ZNF561: variants seen among roughly 807,000 people sequenced by gnomAD.
ZNF561 encodes zinc finger protein 561.
Under a neutral mutation model 16.7 loss-of-function variants are expected in ZNF561, and 16 were observed. The ratio of observed to expected loss-of-function variants is 0.96; its 90% CI spans 0.65 to 1.45. The LOEUF (loss-of-function observed/expected upper bound fraction) is 1.45. Among genes scored for constraint, ZNF561 ranks in the 40% most tolerant of loss-of-function variants. ZNF561 has a pLI of 0.00. For synonymous variants in ZNF561, 190 were observed against 192.1 expected, an observed-to-expected ratio of 0.99 and a Z score of 0.09; for missense variants, 580 against 578.0, an observed-to-expected ratio of 1.00 and a Z score of -0.04.
At chr19:9,617,272 G>C (rs926995572) in intron 3 of ZNF561, 101 bp from the exon 4 acceptor site, 7 of 1,453,740 alleles carry the variant, frequency 4.8e-6, no homozygotes, top group African/African-American at 4.2e-5. Context: ...ACACGTGGTT[G>C]TCAGGTCTCC....
At chr19:9,611,678 C>T (rs2074461172) in intron 5 of ZNF561, among the ~76,000 whole-genome samples, 1 of 152,130 alleles carries the variant, frequency 6.6e-6, no homozygotes, top group Non-Finnish European at 1.5e-5. Flanking sequence ...CTCCTAAGCT[C>T]AGGTGATCTG....
At chr19:9,615,553 G>A (rs1483325629) in intron 4 of ZNF561, among the ~76,000 whole-genome samples, 2 of 151,684 alleles carry the variant, frequency 1.3e-5, no homozygotes, top group East Asian at 2.0e-4. Context: ...AACAGAGATT[G>A]CACCACCGCA....
intron 5 of ZNF561, 133 bp from the exon 6 acceptor site, chr19:9,611,469 AG>A: frequency 9.8e-7 from 1 of 1,019,824 alleles, no homozygotes; most frequent in Non-Finnish European, 1.3e-6. Flanking sequence ...TCTTTTTGAG[AG>A]AAAGTCTTGT....
chr19:9,617,754 G>C (rs2074583953), intron 3 of ZNF561: 1 of 460,372 alleles, frequency 2.2e-6, no homozygotes, highest in Non-Finnish European at 4.4e-6. Flanking sequence ...GCACACTGCA[G>C]ATACCTGATA....
rs754443570 is a variant in ZNF561, at chr19:9,611,348, G to A, written c.325-12C>T. On this transcript the variant is annotated splice_polypyrimidine_tract_variant and intron_variant, in intron 5 of 5. Coordinates refer to ENST00000302851, the MANE Select transcript of ZNF561 (RefSeq NM_152289.3). ...CTGTAGCCTCTTGTCTGTTGATGACGAGATAAAGGTTTTAAAACATTTTCA... is the reference window on the plus strand; with the variant it reads ...CTGTAGCCTCTTGTCTGTTGATGACAAGATAAAGGTTTTAAAACATTTTCA... 363 of 1,587,530 alleles carry A rather than the reference G, an allele frequency of 2.3e-4. No homozygotes were observed. The highest frequency in any genetic ancestry group is 2.9e-4 in the Non-Finnish European group (334 of 1,165,634).
At position 9,610,622 on chromosome 19, in the gene ZNF561, C is replaced by T. The variant is rs372166361; in HGVS notation, c.1039G>A (p.Ala347Thr). The change falls in exon 6 of 6, where the codon GCT becomes ACT. Residue 347 changes from alanine to threonine, a missense_variant. By Grantham distance (58) the Ala-to-Thr change is moderately conservative (BLOSUM62 0). Coordinates refer to ENST00000302851, the MANE Select transcript of ZNF561 (RefSeq NM_152289.3). The stretch of plus-strand genomic sequence containing the variant: ...TGTATAGAAAGGCCCGAGTACTGAG[C>T]AAAGGCTTGGCCACATTCCTTACAT... ...YECKECGQAF[A>T]QYSGLSIHIR... 6.1e-5 allele frequency: 99 copies of T among 1,613,836 alleles called. No homozygotes were observed. In the Middle Eastern group the frequency reaches 6.6e-4, roughly 11 times the overall value.
chr19:9,616,316 G>A (rs1002193948), intron 4 of ZNF561, among the ~76,000 whole-genome samples: 8 of 151,954 alleles, frequency 5.3e-5, no homozygotes, highest in Non-Finnish European at 1.0e-4. Flanking sequence ...AAGTATCACT[G>A]TGTCGCCCCG....
At position 9,610,685 on chromosome 19, in the gene ZNF561, C is replaced by T. The variant is rs1424888785; in HGVS notation, c.976G>A (p.Glu326Lys). ...KAFTRSTQLT[E>K]HVRTHTGIKP... ...ATTCCAGTGTGAGTTCTTACATGTT[C>T]AGTAAGTTGAGTTGATCTAGTGAAG... is the stretch of plus-strand genomic sequence containing the variant. The change falls in exon 6 of 6, where the codon GAA (glutamate) becomes AAA (lysine). Residue 326 changes from glutamate (E) to lysine (K), a missense_variant. Transcript: ENST00000302851. The T allele has an allele frequency of 6.2e-7, 1 of 1,614,044 alleles. No individual in the cohort carries two copies. The highest frequency in any genetic ancestry group is 2.2e-5 in the East Asian group (1 of 44,884).
Position 9,610,110 on chromosome 19 carries a change from C to T in ZNF561, c.*90G>A, listed in dbSNP as rs1200627367. On this transcript the variant is annotated 3_prime_UTR_variant, in exon 6 of 6. Transcript: ENST00000302851. ...CTCAGGATGGTATCTAAGGCCAATC[C>T]ATGAGTCATTACAACCTCCAAAAGG... 1.7e-6 allele frequency: 2 copies of T among 1,184,336 alleles called. No homozygotes were observed. Among genetic ancestry groups the T allele is most frequent in the East Asian group, 2.5e-5 (1 of 40,230 alleles). 73.4% of individuals were successfully genotyped at this position (1,184,336 alleles called of 1,614,324 possible).
At chr19:9,617,212 T>A in intron 3 of ZNF561, 41 bp from the exon 4 acceptor site, 5 of 1,597,330 alleles carry the variant, frequency 3.1e-6, no homozygotes, top group Non-Finnish European at 4.3e-6. Context: ...CAATGAACAC[T>A]TCCACCAATA....
In ZNF561 at chr19:9,619,564, T is replaced by C. The variant is rs999384803; in HGVS notation, c.-108A>G. The C allele has an allele frequency of 1.3e-5, 15 of 1,163,140 alleles. No homozygotes were observed. The highest frequency in any genetic ancestry group is 1.9e-5 in the Non-Finnish European group (15 of 791,500). 72.1% of individuals were successfully genotyped at this position (1,163,140 alleles called of 1,614,324 possible). A position where few individuals can be genotyped will look rare whatever the true frequency, so the allele number is the denominator to read the frequency against. ...TAGAGGCAATCTCCATTCCTCTTTG[T>C]ACAGGGTTATTTGCGGTCCTGTTCA... is the stretch of plus-strand genomic sequence containing the variant. On this transcript the variant is annotated 5_prime_UTR_variant, in exon 2 of 6. Transcript: ENST00000302851.
At chr19:9,619,209 A>G (rs1435691922) in intron 2 of ZNF561, 3 of 261,998 alleles carry the variant, frequency 1.1e-5, no homozygotes, top group Non-Finnish European at 2.1e-5. Flanking sequence ...GTGAGCTAAG[A>G]TTGCACCACT....
At chr19:9,619,754 A>G (rs995946331) in intron 1 of ZNF561, among the ~76,000 whole-genome samples, 172 bp from the exon 2 acceptor site, 2 of 152,296 alleles carry the variant, frequency 1.3e-5, no homozygotes, top group South Asian at 2.1e-4. Flanking sequence ...CTGAGGACTG[A>G]TATGTCAGAA....
chr19:9,615,552 T>C (rs1244460030), intron 4 of ZNF561, among the ~76,000 whole-genome samples: 2 of 151,420 alleles, frequency 1.3e-5, no homozygotes, highest in African/African-American at 4.9e-5. Flanking sequence ...AAACAGAGAT[T>C]GCACCACCGC....
Position 9,607,494 on chromosome 19 carries a change from A to G in ZNF561, c.*2706T>C, listed in dbSNP as rs1042163953. 4.6e-5 allele frequency: 7 copies of G among 152,216 alleles called. No individual in the cohort carries two copies. The highest frequency in any genetic ancestry group is 1.7e-4 in the African/African-American group (7 of 41,462). 9.4% of individuals were successfully genotyped at this position (152,216 alleles called of 1,614,324 possible). A position where few individuals can be genotyped will look rare whatever the true frequency, so the allele number is the denominator to read the frequency against. On this transcript the variant is annotated 3_prime_UTR_variant, in exon 6 of 6. Coordinates refer to ENST00000302851, the MANE Select transcript of ZNF561 (RefSeq NM_152289.3). ...ATTATGAAATACTGGGAAATCATTC[A>G]TCATGTAAAAACTGGATATAAAAAG...
intron 4 of ZNF561, among the ~76,000 whole-genome samples, chr19:9,616,597 G>T (rs2074558206): frequency 6.7e-6 from 1 of 149,840 alleles, no homozygotes; most frequent in South Asian, 2.1e-4. Flanking sequence ...TCATTTTTAG[G>T]ATTTTTTTTT....
At chr19:9,615,606 T>C (rs565487999) in intron 4 of ZNF561, among the ~76,000 whole-genome samples, 363 of 150,878 alleles carry the variant, frequency 2.4e-3, no homozygotes, top group Admixed American at 4.0e-3. Context: ...ACAAAAATAA[T>C]AAATAAATAA....
chr19:9,617,160 C>T lies in ZNF561; in HGVS notation c.126G>A (p.Thr42=), dbSNP rs201340844. The T allele has an allele frequency of 2.7e-5, 44 of 1,612,906 alleles. No individual in the cohort carries two copies. The highest frequency in any genetic ancestry group is 6.7e-5 in the African/African-American group (5 of 75,042). The part of the protein sequence containing the change: ...YLASGYQDSV[T]FDDVAVDFTP... ...TGAAGTCCACAGCCACATCATCAAA[C>T]GTCACTGAATCCTATGTCATCATAC... The change falls in exon 4 of 6, where the codon ACG becomes ACA. Residue 42 remains threonine (T), a synonymous_variant. Transcript: ENST00000302851.
chr19:9,613,502 T>A (rs924635923), intron 5 of ZNF561, among the ~76,000 whole-genome samples: 11 of 152,102 alleles, frequency 7.2e-5, no homozygotes, highest in African/African-American at 2.2e-4. Flanking sequence ...CCCAAAGGGA[T>A]GGGATTACAG....
Sources: allele counts gnomAD v4.1 joint callset (sites outside exome capture counted in the v4.1 genomes callset), GRCh38; gene constraint gnomAD v4.1.1; transcripts MANE v1.5; gene names NCBI Gene and HGNC (gene_info 2026-07-23, HGNC 2026-07-21).